Variants in RNF25 observed in about 807,000 individuals in gnomAD.
The protein encoded by RNF25 is E3 ubiquitin-protein ligase RNF25.
In RNF25, 32 loss-of-function variants were observed where a neutral mutation model predicts 65.0. That is an observed-to-expected ratio of 0.49 (90% CI 0.37 to 0.66). RNF25 has a LOEUF of 0.66. RNF25 is among the 30% of genes least tolerant of loss of function. The pLI, the probability that RNF25 is intolerant of heterozygous loss-of-function variation, is 0.00. For missense variants in RNF25, 493 were observed against 584.8 expected, an observed-to-expected ratio of 0.84 and a Z score of 1.62; for synonymous variants, 207 against 221.2, an observed-to-expected ratio of 0.94 and a Z score of 0.57.
chr2:218,669,569 G>A (rs895834408), intron 1 of RNF25, among the ~76,000 whole-genome samples: 10 of 152,152 alleles, frequency 6.6e-5, no homozygotes, highest in Non-Finnish European at 1.5e-4. Flanking sequence ...TAGGATCCAT[G>A]GTTCTGATGT....
rs752363087 is a variant in RNF25 at position 218,668,685 on chromosome 2, G to C, written c.42-6C>G. 1 of 1,594,406 alleles carries C rather than the reference G, an allele frequency of 6.3e-7. No homozygotes were observed. The highest frequency in any genetic ancestry group is 1.1e-5 in the South Asian group (1 of 90,636). Reference sequence around the variant, plus strand: ...CAACTTCAGAGGGAAGGACCCTAGAGAGACAGGAGTAGACTAACTTACCAT... The same window carrying C: ...CAACTTCAGAGGGAAGGACCCTAGACAGACAGGAGTAGACTAACTTACCAT... On this transcript the variant is annotated splice_region_variant and splice_polypyrimidine_tract_variant and intron_variant, in intron 1 of 9. Coordinates refer to ENST00000295704, the MANE Select transcript of RNF25 (RefSeq NM_022453.3).
At chr2:218,666,849 T>C (rs1258264479) in intron 5 of RNF25, among the ~76,000 whole-genome samples, 1 of 152,234 alleles carries the variant, frequency 6.6e-6, no homozygotes, top group Non-Finnish European at 1.5e-5. Context: ...ACCTTCATTC[T>C]ATTCTGAACA....
chr2:218,665,069 T>G, intron 8 of RNF25, 86 bp downstream of exon 8: 1 of 1,468,796 alleles, frequency 6.8e-7, no homozygotes, highest in Non-Finnish European at 9.5e-7. Flanking sequence ...ATTTCAGAGA[T>G]CCCATTTGAC....
chr2:218,668,391 G>T, intron 2 of RNF25, 50 bp from the exon 3 acceptor site: 1 of 1,276,488 alleles, frequency 7.8e-7, no homozygotes, highest in Non-Finnish European at 1.1e-6. Context: ...AGGGGCTTGG[G>T]GGCTGGGGAG....
chr2:218,664,788 A>AT lies in RNF25; in HGVS notation c.751dup (p.Ile251AsnfsTer3). ...GTTTCGCTCAGCCTCAAGGTCAATG[A>AT]TTCCCCCCCGCTCCTGCTGCCTCTG... On this transcript the variant is annotated frameshift_variant, in exon 9 of 10. Transcript: ENST00000295704. LOFTEE classifies it high-confidence loss of function. This position sits in a 1 kb window ranked among gnomAD's most constrained non-coding sequence, Gnocchi z 5.1. 1.9e-6 allele frequency: 3 copies of AT among 1,614,182 alleles called. No homozygotes were observed. Among genetic ancestry groups the AT allele is most frequent in the Non-Finnish European group, 2.5e-6 (3 of 1,180,046 alleles).
intron 1 of RNF25, 52 bp downstream of exon 1, chr2:218,671,878 G>A (rs932570834): frequency 1.5e-5 from 24 of 1,601,658 alleles, no homozygotes; most frequent in Non-Finnish European, 2.0e-5. Flanking sequence ...CAGCTGCTAG[G>A]CCTCTGGACT....
intron 8 of RNF25, 41 bp downstream of exon 8, chr2:218,665,114 T>C: frequency 6.3e-7 from 1 of 1,585,734 alleles, no homozygotes; most frequent in African/African-American, 1.3e-5. Context: ...CTTTAGAAAA[T>C]ACCATTACTC....
chr2:218,665,354 G>T, intron 7 of RNF25, 107 bp from the exon 8 acceptor site: 1 of 919,992 alleles, frequency 1.1e-6, no homozygotes, highest in Non-Finnish European at 1.7e-6. Flanking sequence ...AGGGCACAGG[G>T]ACACCGGTTC....
rs1395035477 is a variant in RNF25, at chr2:218,666,319, C to A, written c.358-89G>T. On this transcript the variant is annotated intron_variant, in intron 5 of 9. Transcript: ENST00000295704. The stretch of plus-strand genomic sequence containing the variant: ...CTACTCCTAGGAGTGACTGGCTAGA[C>A]TTGGCTCCTAGCAGGCCAGTTTGTT... 6 of 1,110,148 alleles carry A rather than the reference C, an allele frequency of 5.4e-6. No individual in the cohort carries two copies. In the African/African-American group the frequency reaches 9.3e-5, roughly 17 times the overall value. 68.8% of individuals were successfully genotyped at this position (1,110,148 alleles called of 1,614,324 possible).
intron 1 of RNF25, among the ~76,000 whole-genome samples, chr2:218,669,361 G>T (rs553714591): frequency 5.9e-5 from 9 of 152,314 alleles, no homozygotes; most frequent in African/African-American, 1.4e-4. Context: ...TAGGGTTATT[G>T]TGAGGATAAA....
intron 5 of RNF25, among the ~76,000 whole-genome samples, chr2:218,667,582 C>T (rs1214289714): frequency 6.6e-6 from 1 of 152,078 alleles, no homozygotes; most frequent in East Asian, 1.9e-4. Context: ...ATGGCTAAGA[C>T]GCCCCCAAGC....
chr2:218,664,340 G>A lies in RNF25; in HGVS notation c.997C>T (p.Gln333Ter). Residue 333 changes from glutamine (Q) to a stop codon, truncating the protein, a stop_gained, in exon 10 of 10, where the codon CAG becomes TAG. Transcript: ENST00000295704. LOFTEE classifies it high-confidence loss of function. The surrounding 1 kb of genome is among the most constrained non-coding windows in gnomAD (Gnocchi z 5.1). ...RSNQQRLGET[Q>*]KAMLDPPKPS... is the part of the protein sequence containing the mutation. ...TTGGGGGGATCTAGCATAGCTTTCT[G>A]GGTTTCGCCCAACCTTTGCTGATTT... 1 of 1,614,168 alleles carries A rather than the reference G, an allele frequency of 6.2e-7. No individual in the cohort carries two copies. Among genetic ancestry groups the A allele is most frequent in the Non-Finnish European group, 8.5e-7 (1 of 1,180,024 alleles).
intron 1 of RNF25, 89 bp downstream of exon 1, chr2:218,671,841 C>A (rs1939986301): frequency 2.7e-6 from 4 of 1,459,630 alleles, no homozygotes; most frequent in Non-Finnish European, 3.8e-6. Context: ...CTCCACCCCA[C>A]ACGCCCGCCG....
intron 7 of RNF25, 91 bp from the exon 8 acceptor site, chr2:218,665,338 G>T: frequency 9.0e-7 from 1 of 1,109,670 alleles, no homozygotes; most frequent in South Asian, 1.5e-5. Flanking sequence ...AGAGGGCTGG[G>T]ACTAAAGGGC....
In RNF25 at chr2:218,665,614, G is replaced by A. The variant is rs181772916; in HGVS notation, c.573+302C>T. Among the ~76,000 whole-genome samples the A allele has an allele frequency of 1.5e-3, 228 of 151,986 alleles. 1 individual carries two copies. Among genetic ancestry groups the A allele is most frequent in the Non-Finnish European group, 2.7e-3 (182 of 67,976 alleles). On this transcript the variant is annotated intron_variant, in intron 7 of 9. Coordinates refer to ENST00000295704, the MANE Select transcript of RNF25 (RefSeq NM_022453.3). Reference sequence around the variant, plus strand: ...AAAAATCAGCTGGGCGTGGTGGCTCGCACCTATAATCCCAGCTACTCGGGA... The same window carrying A: ...AAAAATCAGCTGGGCGTGGTGGCTCACACCTATAATCCCAGCTACTCGGGA...
At chr2:218,667,610 C>T (rs1939848253) in intron 5 of RNF25, among the ~76,000 whole-genome samples, 1 of 152,132 alleles carries the variant, frequency 6.6e-6, no homozygotes, top group African/African-American at 2.4e-5. Context: ...GTATCTTTTG[C>T]CACTTTCAGT....
Position 218,664,747 on chromosome 2 carries a change from G to A in RNF25, c.793C>T (p.Leu265Phe). 1 of 1,614,236 alleles carries A rather than the reference G, an allele frequency of 6.2e-7. No homozygotes were observed. Among genetic ancestry groups the A allele is most frequent in the Middle Eastern group, 1.6e-4 (1 of 6,062 alleles). The change falls in exon 9 of 10, where the codon CTT (leucine) becomes TTT (phenylalanine). Residue 265 changes from leucine (L) to phenylalanine (F), a missense_variant. Coordinates refer to ENST00000295704, the MANE Select transcript of RNF25 (RefSeq NM_022453.3). This position sits in a 1 kb window ranked among gnomAD's most constrained non-coding sequence, Gnocchi z 5.1. Reference sequence around the variant, plus strand: ...GGAAGCCCTTCCCTCACCTGCTGAAGGCTGATGAAGTATCGGTTTCGCTCA... The same window carrying A: ...GGAAGCCCTTCCCTCACCTGCTGAAAGCTGATGAAGTATCGGTTTCGCTCA... ...EAERNRYFIS[L>F]QQPPAPAEPE...
chr2:218,670,355 AGTTAT>A (rs1330271972), intron 1 of RNF25, among the ~76,000 whole-genome samples: 1 of 149,656 alleles, frequency 6.7e-6, no homozygotes, highest in Non-Finnish European at 1.5e-5. Context: ...CGCCCACCCT[AGTTAT>A]ATGGGTCCTG....
chr2:218,664,753 T>C lies in RNF25; in HGVS notation c.787A>G (p.Ile263Val), dbSNP rs1006888542. 4 of 1,614,122 alleles carry C rather than the reference T, an allele frequency of 2.5e-6. No individual in the cohort carries two copies. Among genetic ancestry groups the C allele is most frequent in the African/African-American group, 2.7e-5 (2 of 74,948 alleles). Residue 263 changes from isoleucine (I) to valine (V), a missense_variant, in exon 9 of 10, where the codon ATC becomes GTC. This residue lies in a region of RNF25 where 351 missense variants were observed against 400.2 expected (regional missense o/e 0.88). Transcript: ENST00000295704. The surrounding 1 kb of genome is among the most constrained non-coding windows in gnomAD (Gnocchi z 5.1). Reference sequence around the variant, plus strand: ...CCTTCCCTCACCTGCTGAAGGCTGATGAAGTATCGGTTTCGCTCAGCCTCA... The same window carrying C: ...CCTTCCCTCACCTGCTGAAGGCTGACGAAGTATCGGTTTCGCTCAGCCTCA... The part of the protein sequence containing the change: ...DLEAERNRYF[I>V]SLQQPPAPAE...
Sources: gnomAD v4.1 joint callset for allele counts (sites outside exome capture counted in the v4.1 genomes callset) on GRCh38, gnomAD v4.1.1 for gene constraint, gnomAD v4.1.1 regional missense constraint, Gnocchi (gnomAD v3.1) non-coding constraint, MANE v1.5 for transcripts, NCBI Gene and HGNC (gene_info 2026-07-23, HGNC 2026-07-21) for gene names.